Variants in SCAI observed in about 807,000 individuals in gnomAD.
SCAI encodes suppressor of cancer cell invasion.
In SCAI, 24 loss-of-function variants were observed where a neutral mutation model predicts 92.2. The observed-to-expected ratio is 0.26, with a 90% confidence interval of 0.19 to 0.37. The LOEUF (loss-of-function observed/expected upper bound fraction) is 0.37. SCAI is among the 10% of genes least tolerant of loss of function. The pLI is 1.00. For synonymous variants in SCAI, 261 were observed against 258.6 expected, an observed-to-expected ratio of 1.01 and a Z score of -0.09; for missense variants, 450 against 736.2, an observed-to-expected ratio of 0.61 and a Z score of 4.50.
In SCAI at chr9:125,106,666, G is replaced by T. The variant is rs557639047; in HGVS notation, c.98+35967C>A. ...TTCAAGTTACAATCTCTCTCAAAGA[G>T]AAATCAAAAATGGTTTTGCTAAATC... On this transcript the variant is annotated intron_variant, in intron 2 of 17. Coordinates refer to ENST00000336505, the MANE Select transcript of SCAI (RefSeq NM_001144877.3). Among the ~76,000 whole-genome samples the T allele has an allele frequency of 4.0e-5, 6 of 149,622 alleles. No individual in the cohort carries two copies. In the South Asian group the frequency reaches 1.1e-3, roughly 27 times the overall value.
At chr9:124,969,621 T>A (rs765656753) in intron 17 of SCAI, among the ~76,000 whole-genome samples, 2 of 152,208 alleles carry the variant, frequency 1.3e-5, no homozygotes, top group Non-Finnish European at 2.9e-5. Context: ...ACAAAAGCTA[T>A]AAAGTATGAT....
intron 2 of SCAI, among the ~76,000 whole-genome samples, chr9:125,108,453 T>C (rs1464910012): frequency 6.7e-6 from 1 of 148,892 alleles, no homozygotes; most frequent in Non-Finnish European, 1.5e-5. Context: ...CCGCCCATCG[T>C]CTGAGATGTG....
At chr9:125,057,214 G>A (rs1833686902) in intron 2 of SCAI, among the ~76,000 whole-genome samples, 1 of 152,106 alleles carries the variant, frequency 6.6e-6, no homozygotes, top group Admixed American at 6.6e-5. Context: ...GAACAGAAAG[G>A]ATACAGTTGA....
intron 9 of SCAI, among the ~76,000 whole-genome samples, chr9:125,014,588 T>A (rs1410917272): frequency 6.6e-6 from 1 of 152,132 alleles, no homozygotes; most frequent in Non-Finnish European, 1.5e-5. Context: ...ATCAATAACA[T>A]GAAAATGGCC....
At chr9:125,011,644 A>G (rs1832643244) in intron 9 of SCAI, among the ~76,000 whole-genome samples, 1 of 152,236 alleles carries the variant, frequency 6.6e-6, no homozygotes, top group Non-Finnish European at 1.5e-5. Flanking sequence ...CCAATCTAGC[A>G]AGGCAGGCCA....
chr9:125,001,889 G>A (rs1832368672), intron 12 of SCAI, 76 bp downstream of exon 12: 2 of 1,024,152 alleles, frequency 2.0e-6, no homozygotes, highest in South Asian at 1.3e-5. Flanking sequence ...TGGTCTGTGG[G>A]CTACGGGCCA....
At chr9:124,968,816 A>C in intron 17 of SCAI, 1 of 707,008 alleles carries the variant, frequency 1.4e-6, no homozygotes, top group South Asian at 1.5e-5. Context: ...CCCAGCAGCC[A>C]TAGAGCGGGG....
At chr9:124,968,289 G>A in intron 17 of SCAI, 10 of 1,164,710 alleles carry the variant, frequency 8.6e-6, no homozygotes, top group South Asian at 7.3e-5. Flanking sequence ...AAACCGGGCT[G>A]GGCATCAAGC....
intron 2 of SCAI, among the ~76,000 whole-genome samples, chr9:125,133,955 A>C (rs1325247299): frequency 2.0e-5 from 3 of 152,168 alleles, no homozygotes; most frequent in Non-Finnish European, 2.9e-5. Context: ...TAACAACCCA[A>C]AATGTCTCCA....
intron 9 of SCAI, among the ~76,000 whole-genome samples, chr9:125,009,947 C>A (rs1285012577): frequency 1.3e-5 from 2 of 152,108 alleles, no homozygotes; most frequent in Non-Finnish European, 2.9e-5. Context: ...GTAATCCCAG[C>A]ACTTTGGGAG....
chr9:125,086,002 T>C (rs553464602), intron 2 of SCAI, among the ~76,000 whole-genome samples: 22 of 152,308 alleles, frequency 1.4e-4, no homozygotes, highest in African/African-American at 5.3e-4. Flanking sequence ...TAGACAGTAA[T>C]TTTTTAGCCA....
chr9:125,077,122 G>GAGCC (rs1245405174), intron 2 of SCAI, among the ~76,000 whole-genome samples: 2 of 152,180 alleles, frequency 1.3e-5, no homozygotes, highest in African/African-American at 4.8e-5. Flanking sequence ...TTGGGTGACA[G>GAGCC]AGCCAGTCCC....
chr9:125,013,407 C>T (rs1026458115), intron 9 of SCAI, among the ~76,000 whole-genome samples: 6 of 151,864 alleles, frequency 4.0e-5, no homozygotes, highest in African/African-American at 7.3e-5. Context: ...TACACCTCTA[C>T]GCAAATAAAC....
At chr9:125,012,102 G>A (rs144693356) in intron 9 of SCAI, among the ~76,000 whole-genome samples, 79 of 152,248 alleles carry the variant, frequency 5.2e-4, no homozygotes, top group African/African-American at 1.8e-3. Flanking sequence ...GACCATCGAG[G>A]CTAGGAAGAA....
At position 125,051,317 on chromosome 9, in the gene SCAI, C is replaced by T. The variant is rs547509987; in HGVS notation, c.230+4559G>A. ...GGATTACAGGCGTGAGCTACCATGC[C>T]CAGCCAATTATATCTTATTTAAATT... is the stretch of plus-strand genomic sequence containing the variant. On this transcript the variant is annotated intron_variant, in intron 3 of 17. Coordinates refer to ENST00000336505, the MANE Select transcript of SCAI (RefSeq NM_001144877.3). Among the ~76,000 whole-genome samples the T allele has an allele frequency of 9.2e-5, 14 of 152,228 alleles. No homozygotes were observed. The East Asian group carries it at 2.5e-3, about 27-fold the overall frequency.
intron 9 of SCAI, among the ~76,000 whole-genome samples, chr9:125,018,180 C>T (rs866834322): frequency 3.9e-5 from 6 of 151,998 alleles, no homozygotes; most frequent in Middle Eastern, 6.8e-3. Flanking sequence ...CTCCAACCTC[C>T]GCCTCCCAGG....
intron 17 of SCAI, among the ~76,000 whole-genome samples, chr9:124,965,533 C>T (rs972293229): frequency 7.9e-5 from 12 of 152,286 alleles, no homozygotes; most frequent in African/African-American, 2.2e-4. Context: ...CTGTGCCCGG[C>T]CTGTAAGTAT....
chr9:125,128,217 T>C (rs1459944566), intron 2 of SCAI, among the ~76,000 whole-genome samples: 1 of 151,954 alleles, frequency 6.6e-6, no homozygotes, highest in Non-Finnish European at 1.5e-5. Context: ...CTCAGGAGGT[T>C]GAGGTGGGAG....
intron 2 of SCAI, among the ~76,000 whole-genome samples, chr9:125,084,967 G>T (rs1409529706): frequency 6.6e-6 from 1 of 152,178 alleles, no homozygotes; most frequent in Non-Finnish European, 1.5e-5. Flanking sequence ...AAGTCACGCA[G>T]CTTACAGTTT....
Sources: allele counts gnomAD v4.1 joint callset (sites outside exome capture counted in the v4.1 genomes callset), GRCh38; gene constraint gnomAD v4.1.1; transcripts MANE v1.5; gene names NCBI Gene and HGNC (gene_info 2026-07-23, HGNC 2026-07-21).